The following NDUFA10 variants were observed in gnomAD, a reference collection of about 807,000 sequenced individuals.
The protein encoded by NDUFA10 is NADH dehydrogenase [ubiquinone] 1 alpha subcomplex subunit 10, mitochondrial.
A neutral mutation model predicts 47.8 loss-of-function variants in NDUFA10; 40 were observed. The ratio of observed to expected loss-of-function variants is 0.84; its 90% CI spans 0.65 to 1.09. The LOEUF (loss-of-function observed/expected upper bound fraction) is 1.09, where lower values mean the gene tolerates loss of function less well. Among genes scored for constraint, NDUFA10 ranks in the 50% least tolerant of loss-of-function variants. The probability of loss-of-function intolerance (pLI) is 0.00; values close to 1 mark genes in which losing one functional copy is unlikely to be tolerated. For synonymous variants in NDUFA10, 183 were observed against 172.2 expected (o/e 1.06, Z -0.49); for missense variants, 413 against 451.1 (o/e 0.92, Z 0.76).
At chr2:239,994,744 A>C (rs575071435) in intron 8 of NDUFA10, among the ~76,000 whole-genome samples, 1 of 152,212 alleles carries the variant, frequency 6.6e-6, no homozygotes, top group African/African-American at 2.4e-5. Context: ...TTTAAAGCAA[A>C]GTTTTGAATA....
At chr2:239,899,833 A>G (rs12611963) in intron 4 of NDUFA10, among the ~76,000 whole-genome samples, 2,700 of 149,458 alleles carry the variant, frequency 0.018, 86 homozygotes, top group East Asian at 0.16. Flanking sequence ...CATCATCCAC[A>G]GTCACCAGCC....
chr2:239,950,381 C>T (rs1694531384), intron 4 of NDUFA10, among the ~76,000 whole-genome samples: 2 of 152,224 alleles, frequency 1.3e-5, no homozygotes, highest in Admixed American at 6.5e-5. Context: ...TCCCGACCCA[C>T]CACCTTCTTT....
chr2:239,979,593 A>G (rs1320714652), intron 9 of NDUFA10, among the ~76,000 whole-genome samples: 3 of 121,856 alleles, frequency 2.5e-5, no homozygotes, highest in African/African-American at 7.7e-5. Flanking sequence ...GGCTCTCGGG[A>G]AAAGAGACAG....
At chr2:239,929,920 GCCCC>G (rs1694133349) in intron 4 of NDUFA10, among the ~76,000 whole-genome samples, 1 of 141,380 alleles carries the variant, frequency 7.1e-6, no homozygotes. Flanking sequence ...CTCCTCCACT[GCCCC>G]TGCTCCTCCA....
At position 239,927,921 on chromosome 2, in the gene NDUFA10, C is replaced by T. The variant is rs573606621; in HGVS notation, c.295-32607G>A. On this transcript the variant is annotated intron_variant, in intron 4 of 5. Transcript: ENST00000419408. Reference sequence around the variant, plus strand: ...CTGTCAGGTCCCTGGTACCCCAATACGGTGGCTGTGGGGGTGCTGGGCAAG... The same window carrying T: ...CTGTCAGGTCCCTGGTACCCCAATATGGTGGCTGTGGGGGTGCTGGGCAAG... 5.9e-5 allele frequency among the ~76,000 whole-genome samples: 9 copies of T among 152,328 alleles called. No individual in the cohort carries two copies. The East Asian group carries it at 1.7e-3, about 29-fold the overall frequency.
Position 239,960,595 on chromosome 2 carries a change from A to G in NDUFA10, c.*523T>C. 2 of 1,014,686 alleles carry G rather than the reference A, an allele frequency of 2.0e-6. No individual in the cohort carries two copies. 62.9% of individuals were successfully genotyped at this position (1,014,686 alleles called of 1,614,324 possible). A position where few individuals can be genotyped will look rare whatever the true frequency, so the allele number is the denominator to read the frequency against. On this transcript the variant is annotated 3_prime_UTR_variant, in exon 10 of 10. Coordinates refer to ENST00000252711, the MANE Select transcript of NDUFA10 (RefSeq NM_004544.4). ...CTCTAATGTAGCACATTACTAAAAT[A>G]AATACAGTAGGCCTTTAGAAAAACT... is the stretch of plus-strand genomic sequence containing the variant.
chr2:239,923,437 T>A (rs115151460), intron 4 of NDUFA10, among the ~76,000 whole-genome samples: 250 of 152,150 alleles, frequency 1.6e-3, no homozygotes, highest in Non-Finnish European at 3.1e-3. Flanking sequence ...TCTCTGACCA[T>A]AAGGAAACCA....
rs863224081 is a variant in NDUFA10 at position 239,961,195 on chromosome 2, GA to G, written c.1000-10del. 7.9e-4 allele frequency: 1,244 copies of G among 1,573,550 alleles called. 18 individuals are homozygous for G. In the South Asian group the frequency reaches 0.011, roughly 14 times the overall value. On this transcript the variant is annotated splice_polypyrimidine_tract_variant and intron_variant, in intron 9 of 9. Coordinates refer to ENST00000252711, the MANE Select transcript of NDUFA10 (RefSeq NM_004544.4). The stretch of plus-strand genomic sequence containing the variant: ...TACTTGCGGCCCGGCAGCTGTGGGG[GA>G]AAAAGGCATTGGTGCATTCTGTTTA...
chr2:239,917,036 C>A (rs945766051), intron 4 of NDUFA10, among the ~76,000 whole-genome samples: 2 of 152,208 alleles, frequency 1.3e-5, no homozygotes, highest in Non-Finnish European at 2.9e-5. Context: ...GACACACACA[C>A]CTGTCACAGT....
intron 9 of NDUFA10, among the ~76,000 whole-genome samples, chr2:239,966,848 C>CTTTT (rs71045922): frequency 1.8e-5 from 2 of 113,816 alleles, no homozygotes. Flanking sequence ...GCAAGGATTT[C>CTTTT]TTTTTTTTTT....
intron 8 of NDUFA10, among the ~76,000 whole-genome samples, chr2:239,996,979 T>C (rs1229995104): frequency 6.6e-6 from 1 of 152,102 alleles, no homozygotes; most frequent in Non-Finnish European, 1.5e-5. Context: ...AATAATATAG[T>C]ATTATAATAT....
At chr2:239,893,987 C>T (rs1023667233) in intron 5 of NDUFA10, among the ~76,000 whole-genome samples, 1 of 143,332 alleles carries the variant, frequency 7.0e-6, no homozygotes, top group East Asian at 2.1e-4. Flanking sequence ...TTCTCCCTGC[C>T]TCCCGTCCTC....
At chr2:239,995,899 T>A (rs991922614) in intron 8 of NDUFA10, among the ~76,000 whole-genome samples, 2 of 152,112 alleles carry the variant, frequency 1.3e-5, no homozygotes, top group Non-Finnish European at 2.9e-5. Flanking sequence ...CCTAAGATAA[T>A]AAACTATGTA....
intron 9 of NDUFA10, among the ~76,000 whole-genome samples, chr2:239,985,274 A>C (rs528190802): frequency 1.3e-5 from 2 of 152,362 alleles, no homozygotes; most frequent in African/African-American, 4.8e-5. Flanking sequence ...AATATGTTTA[A>C]GAAATTAGAT....
At chr2:239,954,474 C>T (rs891801106), downstream of NDUFA10, among the ~76,000 whole-genome samples, 5 of 152,242 alleles carry the variant, frequency 3.3e-5, no homozygotes, top group African/African-American at 1.2e-4. Flanking sequence ...TGGAGAAGTC[C>T]CCTCAGAGAC....
At chr2:239,985,057 C>T (rs145294416) in intron 9 of NDUFA10, among the ~76,000 whole-genome samples, 6 of 152,280 alleles carry the variant, frequency 3.9e-5, no homozygotes, top group African/African-American at 1.4e-4. Context: ...GACGGTAAAG[C>T]GCATCCTCTC....
intron 8 of NDUFA10, among the ~76,000 whole-genome samples, chr2:240,002,593 G>C (rs1357909175): frequency 6.6e-5 from 10 of 151,966 alleles, no homozygotes; most frequent in Non-Finnish European, 8.8e-5. Context: ...TGGAGGCACA[G>C]GCAGATAAAG....
intron 9 of NDUFA10, among the ~76,000 whole-genome samples, chr2:239,979,351 A>C (rs2106424656): frequency 6.9e-6 from 1 of 144,788 alleles, no homozygotes; most frequent in East Asian, 2.2e-4. Flanking sequence ...CCTCTCCTCC[A>C]GTCACACACA....
At chr2:240,004,735 G>A (rs1696879583) in intron 8 of NDUFA10, among the ~76,000 whole-genome samples, 1 of 151,698 alleles carries the variant, frequency 6.6e-6, no homozygotes, top group Non-Finnish European at 1.5e-5. Flanking sequence ...CACCTGCCAA[G>A]CCCCTGCCCT....
Sources: allele counts gnomAD v4.1 joint callset (sites outside exome capture counted in the v4.1 genomes callset), GRCh38; gene constraint gnomAD v4.1.1; transcripts MANE v1.5; gene names NCBI Gene and HGNC (gene_info 2026-07-23, HGNC 2026-07-21).